The following ASIC2 variants were observed in gnomAD, a reference collection of about 807,000 sequenced individuals.
ASIC2 encodes acid sensing ion channel subunit 2.
Under a neutral mutation model 57.3 loss-of-function variants are expected in ASIC2, and 25 were observed. The observed-to-expected ratio is 0.44, with a 90% confidence interval of 0.32 to 0.61. ASIC2 has a LOEUF of 0.61. Ranked by LOEUF, ASIC2 falls within the 20% of genes least tolerant of loss-of-function variation. ASIC2 has a pLI of 0.06. For missense variants in ASIC2, 641 were observed against 738.1 expected, an observed-to-expected ratio of 0.87 and a Z score of 1.52; for synonymous variants, 319 against 307.5, an observed-to-expected ratio of 1.04 and a Z score of -0.39.
intron 1 of ASIC2, among the ~76,000 whole-genome samples, chr17:33,170,860 A>G (rs556030477): frequency 6.6e-6 from 1 of 152,238 alleles, no homozygotes; most frequent in Non-Finnish European, 1.5e-5. Context: ...TCTACTTCCT[A>G]TAGCAACATA....
At chr17:33,065,456 C>T (rs2092039856) in intron 3 of ASIC2, among the ~76,000 whole-genome samples, 1 of 152,080 alleles carries the variant, frequency 6.6e-6, no homozygotes, top group African/African-American at 2.4e-5. Flanking sequence ...ACTACAGGTG[C>T]ACACCACCAC....
chr17:33,359,248 A>G (rs879289771), intron 1 of ASIC2, among the ~76,000 whole-genome samples: 2 of 152,302 alleles, frequency 1.3e-5, no homozygotes, highest in African/African-American at 2.4e-5. Context: ...ACACAAATTA[A>G]TCTCTGAGAA....
At chr17:33,586,840 T>C (rs1331253745) in intron 1 of ASIC2, among the ~76,000 whole-genome samples, 1 of 152,224 alleles carries the variant, frequency 6.6e-6, no homozygotes, top group Non-Finnish European at 1.5e-5. Flanking sequence ...TCTGCAATTA[T>C]CTTCTTTATT....
chr17:33,106,022 A>G (rs953130094), intron 2 of ASIC2, among the ~76,000 whole-genome samples: 6 of 152,134 alleles, frequency 3.9e-5, no homozygotes, highest in African/African-American at 1.4e-4. Context: ...GTCAGGGGAG[A>G]CCTCATTGAG....
intron 1 of ASIC2, among the ~76,000 whole-genome samples, chr17:33,642,217 C>G (rs954609687): frequency 3.3e-5 from 5 of 150,340 alleles, no homozygotes; most frequent in South Asian, 2.1e-4. Context: ...ACCCCCCCCC[C>G]CCCCACACAC....
intron 2 of ASIC2, among the ~76,000 whole-genome samples, chr17:33,094,053 G>GC (rs1233112732): frequency 6.6e-6 from 1 of 152,206 alleles, no homozygotes. Flanking sequence ...TCACAGTGCA[G>GC]CAAGGGCCTT....
chr17:33,547,149 G>A (rs1915603959), intron 1 of ASIC2, among the ~76,000 whole-genome samples: 2 of 152,094 alleles, frequency 1.3e-5, no homozygotes, highest in Non-Finnish European at 2.9e-5. Context: ...GGGTGACGCT[G>A]CTGCTGTTGA....
At chr17:33,683,780 C>G (rs748004269) in intron 1 of ASIC2, among the ~76,000 whole-genome samples, 1 of 152,122 alleles carries the variant, frequency 6.6e-6, no homozygotes, top group Non-Finnish European at 1.5e-5. Context: ...TGGGCTCAAG[C>G]AATCCTCCCA....
chr17:33,751,264 C>T (rs1017537385), intron 1 of ASIC2, among the ~76,000 whole-genome samples: 3 of 152,192 alleles, frequency 2.0e-5, no homozygotes, highest in Non-Finnish European at 4.4e-5. Context: ...TGGCTGCATA[C>T]AGATCTGCAG....
intron 1 of ASIC2, chr17:34,037,475 C>T (rs1359734122): frequency 2.4e-6 from 2 of 830,944 alleles, no homozygotes; most frequent in East Asian, 2.7e-5. Flanking sequence ...CTGTCATGCT[C>T]TATGGATGGG....
chr17:34,154,725 G>A (rs1904648854), intron 1 of ASIC2, among the ~76,000 whole-genome samples: 1 of 152,174 alleles, frequency 6.6e-6, no homozygotes, highest in Non-Finnish European at 1.5e-5. Flanking sequence ...TGGATCACAG[G>A]TCAGCCCCTT....
At chr17:33,965,711 C>A (rs1008901350) in intron 1 of ASIC2, among the ~76,000 whole-genome samples, 1 of 152,170 alleles carries the variant, frequency 6.6e-6, no homozygotes, top group Non-Finnish European at 1.5e-5. Flanking sequence ...TTGGAAGTGA[C>A]GGAGCCTGGA....
chr17:33,808,875 T>A (rs1912340976), intron 1 of ASIC2, among the ~76,000 whole-genome samples: 1 of 152,236 alleles, frequency 6.6e-6, no homozygotes, highest in South Asian at 2.1e-4. Context: ...CTGTTTTCCC[T>A]GCTTTATGAT....
chr17:34,004,331 A>T (rs1472203740), intron 1 of ASIC2: 1 of 152,260 alleles, frequency 6.6e-6, no homozygotes, highest in Non-Finnish European at 1.5e-5. Flanking sequence ...TGCATCCACC[A>T]TCCCCTCCCA....
chr17:33,548,779 A>G (rs1277398895), intron 1 of ASIC2, among the ~76,000 whole-genome samples: 1 of 152,128 alleles, frequency 6.6e-6, no homozygotes, highest in Non-Finnish European at 1.5e-5. Context: ...ACCTTAAGCA[A>G]GTCAAGGTCA....
At position 33,925,350 on chromosome 17, in the gene ASIC2, A is replaced by G. The variant is rs117723308; in HGVS notation, c.555+230628T>C. ...TCGTCCTCCCCTCCAGGGAAGGCCA[A>G]TGGTAACCCAGAAATCACTGGACCA... On this transcript the variant is annotated intron_variant, in intron 1 of 9. Transcript: ENST00000359872. Among the ~76,000 whole-genome samples, 36 of 152,380 alleles carry G rather than the reference A, an allele frequency of 2.4e-4. No homozygotes were observed. The East Asian group carries it at 6.7e-3, about 29-fold the overall frequency.
At chr17:33,448,787 A>G (rs1912135509) in intron 1 of ASIC2, among the ~76,000 whole-genome samples, 1 of 152,232 alleles carries the variant, frequency 6.6e-6, no homozygotes. Flanking sequence ...TAGGACACTA[A>G]TAAGAGTAGG....
intron 1 of ASIC2, among the ~76,000 whole-genome samples, chr17:33,342,628 A>T (rs1425641448): frequency 6.6e-6 from 1 of 152,130 alleles, no homozygotes; most frequent in Non-Finnish European, 1.5e-5. Flanking sequence ...ACGACTGATT[A>T]TTAACTCTCA....
chr17:33,956,968 C>A (rs1275821197), intron 1 of ASIC2, among the ~76,000 whole-genome samples: 2 of 152,358 alleles, frequency 1.3e-5, no homozygotes, highest in South Asian at 2.1e-4. Flanking sequence ...GGCCACCTGG[C>A]CATGGGCCTG....
Sources: gnomAD v4.1 joint callset for allele counts (sites outside exome capture counted in the v4.1 genomes callset) on GRCh38, gnomAD v4.1.1 for gene constraint, MANE v1.5 for transcripts, NCBI Gene and HGNC (gene_info 2026-07-23, HGNC 2026-07-21) for gene names.